The following SCN8A variants were observed in gnomAD, a reference collection of about 807,000 sequenced individuals.
SCN8A encodes the protein sodium channel protein type 8 subunit alpha.
A neutral mutation model predicts 184.1 loss-of-function variants in SCN8A; 30 were observed. The ratio of observed to expected loss-of-function variants is 0.16; its 90% CI spans 0.12 to 0.22. The LOEUF is 0.22. Among genes scored for constraint, SCN8A ranks in the 10% least tolerant of loss-of-function variants. The pLI is 1.00. For missense variants in SCN8A, 1,057 were observed against 2,498.9 expected (o/e 0.42, Z 12.30); for synonymous variants, 852 against 907.0 (o/e 0.94, Z 1.09).
Position 51,807,365 on chromosome 12 carries a change from G to C in SCN8A, c.5879G>C (p.Arg1960Pro), listed in dbSNP as rs369346315. 1.2e-6 allele frequency: 2 copies of C among 1,613,470 alleles called. No homozygotes were observed. The highest frequency in any genetic ancestry group is 2.2e-5 in the South Asian group (2 of 91,024). ...AAACCTGAAAAGGAGAAACAGCAGC[G>C]GGCAGAGGAAGGAAGAAGGGAAAGA... ...VTKPEKEKQQ[R>P]AEEGRRERAK... Residue 1960 changes from arginine to proline, a missense_variant, in exon 27 of 27, where the codon CGG becomes CCG. Arg to Pro is a moderately radical substitution (Grantham distance 103). This residue lies in a region of SCN8A where 95 missense variants were observed against 140.2 expected (regional missense o/e 0.68). Coordinates refer to ENST00000627620, the MANE Select transcript of SCN8A (RefSeq NM_001330260.2). The surrounding 1 kb of genome is among the most constrained non-coding windows in gnomAD (Gnocchi z 4.5).
At chr12:51,782,517 A>G (rs1937953155) in intron 21 of SCN8A, among the ~76,000 whole-genome samples, 1 of 152,248 alleles carries the variant, frequency 6.6e-6, no homozygotes, top group South Asian at 2.1e-4. Context: ...TGAAGACAGT[A>G]CTTGTCCTGA....
At chr12:51,712,820 C>T in intron 11 of SCN8A, 1 of 1,204,366 alleles carries the variant, frequency 8.3e-7, no homozygotes, top group Non-Finnish European at 1.2e-6. Flanking sequence ...CCACCATCAC[C>T]TCCTCCATAA....
At chr12:51,790,809 G>C (rs1938229793) in intron 25 of SCN8A, among the ~76,000 whole-genome samples, 1 of 152,146 alleles carries the variant, frequency 6.6e-6, no homozygotes, top group South Asian at 2.1e-4. Context: ...AAGTCAACAA[G>C]AGAAAATGAA....
intron 2 of SCN8A, among the ~76,000 whole-genome samples, chr12:51,682,228 T>G (rs533416719): frequency 2.6e-5 from 4 of 152,342 alleles, no homozygotes; most frequent in Admixed American, 1.3e-4. Flanking sequence ...TGGATTTGGT[T>G]TGCTGGCATT....
At position 51,645,324 on chromosome 12, in the gene SCN8A, G is replaced by C. The variant is rs531287944; in HGVS notation, c.-54-17440G>C. 2.6e-4 allele frequency among the ~76,000 whole-genome samples: 39 copies of C among 151,152 alleles called. No homozygotes were observed. In the East Asian group the frequency reaches 7.5e-3, roughly 29 times the overall value. On this transcript the variant is annotated intron_variant, in intron 1 of 26. Transcript: ENST00000627620. Reference sequence around the variant, plus strand: ...GCCCGGCCAGCCGCCCCGTCCAGGAGGGAGGTGGGGGGGTTCAGCCCCCCG... The same window carrying C: ...GCCCGGCCAGCCGCCCCGTCCAGGACGGAGGTGGGGGGGTTCAGCCCCCCG...
chr12:51,683,223 T>C (rs1383834869), intron 2 of SCN8A, among the ~76,000 whole-genome samples: 1 of 152,218 alleles, frequency 6.6e-6, no homozygotes, highest in African/African-American at 2.4e-5. Context: ...TGTTGTGTCC[T>C]GGTAATTAGC....
chr12:51,731,869 T>C (rs924928944), intron 12 of SCN8A, among the ~76,000 whole-genome samples: 22 of 152,236 alleles, frequency 1.4e-4, no homozygotes, highest in African/African-American at 5.1e-4. Flanking sequence ...ATATGTCTTC[T>C]TTGGAGAAAT....
intron 12 of SCN8A, among the ~76,000 whole-genome samples, chr12:51,727,637 G>A (rs1291755756): frequency 6.6e-6 from 1 of 152,122 alleles, no homozygotes; most frequent in Admixed American, 6.5e-5. Context: ...GCTTTACCTG[G>A]GAGAGAGGCT....
intron 1 of SCN8A, among the ~76,000 whole-genome samples, chr12:51,591,795 C>G (rs1939225844): frequency 1.3e-5 from 2 of 152,040 alleles, no homozygotes; most frequent in African/African-American, 4.8e-5. Context: ...CAGCCCTCCC[C>G]CTCCCCCATG....
chr12:51,772,227 C>G (rs1417849188), intron 19 of SCN8A, among the ~76,000 whole-genome samples: 3 of 151,964 alleles, frequency 2.0e-5, no homozygotes, highest in Admixed American at 6.6e-5. Flanking sequence ...GAAACCACGT[C>G]TCTAGTAAAA....
rs1228455370 is a variant in SCN8A, at chr12:51,662,918, T to C, written c.101T>C (p.Leu34Pro). The C allele has an allele frequency of 1.2e-6, 2 of 1,613,926 alleles. No individual in the cohort carries two copies. Among genetic ancestry groups the C allele is most frequent in the South Asian group, 2.2e-5 (2 of 91,082 alleles). Residue 34 changes from leucine (L) to proline (P), a missense_variant, in exon 2 of 27, where the codon CTC becomes CCC. Transcript: ENST00000627620. ...GAGAGGCGCATTGCTGAGAGCAAGC[T>C]CAAGAAACCACCAAAGGCCGATGGC... ...NIERRIAESK[L>P]KKPPKADGSH...
chr12:51,790,040 A>C lies in SCN8A; in HGVS notation c.4420-358A>C, dbSNP rs114867079. Among the ~76,000 whole-genome samples, 574 of 152,358 alleles carry C rather than the reference A, an allele frequency of 3.8e-3. 3 individuals carry two copies. The highest frequency in any genetic ancestry group is 0.013 in the African/African-American group (537 of 41,588). ...CAGGACACAAAGATCTTTTTATTCT[A>C]AAATGTGTTTTCTAGAATGTATCAG... On this transcript the variant is annotated intron_variant, in intron 24 of 26. Coordinates refer to ENST00000627620, the MANE Select transcript of SCN8A (RefSeq NM_001330260.2).
chr12:51,655,269 T>C (rs1940799067), intron 1 of SCN8A, among the ~76,000 whole-genome samples: 1 of 152,222 alleles, frequency 6.6e-6, no homozygotes, highest in African/African-American at 2.4e-5. Flanking sequence ...ATTCCTGTTA[T>C]AACCGCATTT....
intron 1 of SCN8A, among the ~76,000 whole-genome samples, chr12:51,625,799 C>T (rs887001142): frequency 7.2e-5 from 11 of 152,076 alleles, no homozygotes; most frequent in South Asian, 4.2e-4. Context: ...CTATCTAATA[C>T]GGAAGGTGAG....
intron 1 of SCN8A, among the ~76,000 whole-genome samples, chr12:51,660,759 T>TATTA (rs1386343102): frequency 3.9e-5 from 6 of 152,118 alleles, no homozygotes; most frequent in African/African-American, 9.7e-5. Flanking sequence ...ACCAGCAAGG[T>TATTA]GCTTGGAATA....
In SCN8A at chr12:51,807,371, A is replaced by T. The variant is rs1465826685; in HGVS notation, c.5885A>T (p.Glu1962Val). The change falls in exon 27 of 27, where the codon GAG becomes GTG. Residue 1962 changes from glutamate (E) to valine (V), a missense_variant. Around this residue, in one of 19 missense-constraint regions of SCN8A, gnomAD observed 95 missense variants for 140.2 expected, o/e 0.68. Transcript: ENST00000627620. The surrounding 1 kb of genome is among the most constrained non-coding windows in gnomAD (Gnocchi z 4.5). ...GAAAAGGAGAAACAGCAGCGGGCAG[A>T]GGAAGGAAGAAGGGAAAGAGCCAAA... ...KPEKEKQQRA[E>V]EGRRERAKRQ... 2 of 1,613,608 alleles carry T rather than the reference A, an allele frequency of 1.2e-6. No individual in the cohort carries two copies. Among genetic ancestry groups the T allele is most frequent in the East Asian group, 2.2e-5 (1 of 44,878 alleles).
At chr12:51,602,369 A>G (rs1404769550) in intron 1 of SCN8A, among the ~76,000 whole-genome samples, 2 of 152,236 alleles carry the variant, frequency 1.3e-5, no homozygotes, top group Non-Finnish European at 2.9e-5. Context: ...CAAACATTGT[A>G]TAATTCCACT....
Position 51,650,707 on chromosome 12 carries a change from G to A in SCN8A, c.-54-12057G>A, listed in dbSNP as rs373686086. ...CATGCTGGATGGTTGTGGGTTTACCGGAATGAGGGCAAGGAACACCTGGCC... is the reference window on the plus strand; with the variant it reads ...CATGCTGGATGGTTGTGGGTTTACCAGAATGAGGGCAAGGAACACCTGGCC... On this transcript the variant is annotated intron_variant, in intron 1 of 26. Coordinates refer to ENST00000627620, the MANE Select transcript of SCN8A (RefSeq NM_001330260.2). Among the ~76,000 whole-genome samples, 22 of 152,166 alleles carry A rather than the reference G, an allele frequency of 1.4e-4. No individual in the cohort carries two copies. The South Asian group carries it at 1.5e-3, about 10-fold the overall frequency.
At chr12:51,592,620 G>T (rs1448054028) in intron 1 of SCN8A, among the ~76,000 whole-genome samples, 1 of 151,870 alleles carries the variant, frequency 6.6e-6, no homozygotes, top group South Asian at 2.1e-4. Context: ...GGGGGAGGGA[G>T]AAATAATTAG....
Sources: allele counts gnomAD v4.1 joint callset (sites outside exome capture counted in the v4.1 genomes callset), GRCh38; gene constraint gnomAD v4.1.1; regional missense constraint gnomAD v4.1.1; non-coding constraint Gnocchi (gnomAD v3.1); transcripts MANE v1.5; gene names NCBI Gene and HGNC (gene_info 2026-07-23, HGNC 2026-07-21).